The following SGCZ variants were observed in gnomAD, a reference collection of about 807,000 sequenced individuals.
SGCZ encodes the protein zeta-sarcoglycan.
A neutral mutation model predicts 41.3 loss-of-function variants in SGCZ; 40 were observed. The observed-to-expected ratio is 0.97, with a 90% CI of 0.75 to 1.26. The LOEUF is 1.26. SGCZ is among the 50% of genes most tolerant of loss of function. The pLI is 0.00. For missense variants in SGCZ, 552 were observed against 369.8 expected (o/e 1.49, Z -4.04); for synonymous variants, 206 against 137.5 (o/e 1.50, Z -3.49).
At chr8:14,614,899 T>C (rs760309336) in intron 1 of SGCZ, among the ~76,000 whole-genome samples, 2 of 152,174 alleles carry the variant, frequency 1.3e-5, no homozygotes, top group Non-Finnish European at 2.9e-5. Flanking sequence ...AAGCATGACA[T>C]GTTTTATCAC....
At position 14,087,987 on chromosome 8, in the gene SGCZ, A is replaced by G. The variant is rs554403135; in HGVS notation, c.*2456T>C. ...TCTCAAGCTTGTAAGTTACTTTTGA[A>G]TTATGTCTATACTTCTCAGAATGCA... On this transcript the variant is annotated 3_prime_UTR_variant, in exon 8 of 8. Coordinates refer to ENST00000382080, the MANE Select transcript of SGCZ (RefSeq NM_139167.4). Among the ~76,000 whole-genome samples the G allele has an allele frequency of 6.6e-6, 1 of 151,804 alleles. No individual in the cohort carries two copies. Among genetic ancestry groups the G allele is most frequent in the Non-Finnish European group, 1.5e-5 (1 of 67,828 alleles).
At chr8:14,982,530 A>G (rs748313176) in intron 1 of SGCZ, among the ~76,000 whole-genome samples, 1 of 152,152 alleles carries the variant, frequency 6.6e-6, no homozygotes, top group Non-Finnish European at 1.5e-5. Flanking sequence ...CTCCCACGTG[A>G]TATGCTATCT....
intron 5 of SGCZ, among the ~76,000 whole-genome samples, chr8:14,129,967 T>C (rs1194226710): frequency 6.6e-6 from 1 of 152,198 alleles, no homozygotes; most frequent in Non-Finnish European, 1.5e-5. Context: ...ACAGCCATTT[T>C]GTGCAGATAT....
intron 1 of SGCZ, among the ~76,000 whole-genome samples, chr8:14,612,946 A>T (rs1354781883): frequency 2.0e-5 from 3 of 152,220 alleles, no homozygotes; most frequent in Non-Finnish European, 4.4e-5. Flanking sequence ...TCGGCCTCCC[A>T]AAGTGCTGGG....
intron 2 of SGCZ, among the ~76,000 whole-genome samples, chr8:14,456,740 A>G (rs908396104): frequency 6.6e-6 from 1 of 152,194 alleles, no homozygotes; most frequent in African/African-American, 2.4e-5. Context: ...CCCAAATCTC[A>G]TGTTGAATTG....
chr8:14,241,247 T>C (rs566119616), intron 3 of SGCZ, among the ~76,000 whole-genome samples: 3 of 151,844 alleles, frequency 2.0e-5, no homozygotes, highest in Admixed American at 1.3e-4. Context: ...GATATTTAAA[T>C]AGACATAGTA....
chr8:14,530,813 T>A (rs980308742), intron 2 of SGCZ, among the ~76,000 whole-genome samples: 1 of 152,072 alleles, frequency 6.6e-6, no homozygotes, highest in Non-Finnish European at 1.5e-5. Flanking sequence ...TGACACCACA[T>A]CTCTTTTAAA....
chr8:15,077,551 G>T lies in SGCZ; in HGVS notation c.39+160034C>A, dbSNP rs913051648. Among the ~76,000 whole-genome samples the T allele has an allele frequency of 6.6e-5, 10 of 152,186 alleles. No individual in the cohort carries two copies. The East Asian group carries it at 1.4e-3, about 21-fold the overall frequency. On this transcript the variant is annotated intron_variant, in intron 1 of 7. Transcript: ENST00000382080. ...TTTTCTAACTGAAGGAGAAGAAGGG[G>T]TTTTTTTCCTTCCCATTTATCATTT...
chr8:14,679,975 G>A (rs1474110684), intron 1 of SGCZ, among the ~76,000 whole-genome samples: 2 of 152,076 alleles, frequency 1.3e-5, no homozygotes, highest in Non-Finnish European at 2.9e-5. Context: ...TGGTTTACAG[G>A]TTTGTAACTC....
At chr8:14,297,073 C>A (rs1801037134) in intron 3 of SGCZ, among the ~76,000 whole-genome samples, 2 of 152,042 alleles carry the variant, frequency 1.3e-5, no homozygotes, top group African/African-American at 4.8e-5. Context: ...AGACGCACAC[C>A]AGCATGCCCA....
chr8:14,984,319 G>C (rs1276310433), intron 1 of SGCZ, among the ~76,000 whole-genome samples: 1 of 152,058 alleles, frequency 6.6e-6, no homozygotes, highest in East Asian at 1.9e-4. Flanking sequence ...ATTATACATA[G>C]AACCATAAAA....
intron 1 of SGCZ, among the ~76,000 whole-genome samples, chr8:14,668,756 C>A (rs1187966858): frequency 6.6e-6 from 1 of 152,154 alleles, no homozygotes; most frequent in Non-Finnish European, 1.5e-5. Flanking sequence ...ATGCCAACAT[C>A]ATGCAGGATT....
intron 2 of SGCZ, among the ~76,000 whole-genome samples, chr8:14,411,059 A>G (rs958282224): frequency 2.6e-5 from 4 of 152,174 alleles, no homozygotes; most frequent in Non-Finnish European, 5.9e-5. Flanking sequence ...TAAAAAGCTA[A>G]AGAACATTTA....
intron 1 of SGCZ, among the ~76,000 whole-genome samples, chr8:14,798,484 T>C (rs1044608329): frequency 6.6e-5 from 10 of 152,108 alleles, no homozygotes; most frequent in Non-Finnish European, 1.5e-4. Flanking sequence ...GACAGAAAAA[T>C]AAACTATGTA....
intron 3 of SGCZ, among the ~76,000 whole-genome samples, chr8:14,317,294 G>A (rs1801751781): frequency 1.3e-5 from 2 of 151,894 alleles, no homozygotes; most frequent in Admixed American, 1.3e-4. Flanking sequence ...AAAATATTAG[G>A]TGCTACTATG....
chr8:14,638,753 C>T (rs1032726303), intron 1 of SGCZ, among the ~76,000 whole-genome samples: 4 of 151,762 alleles, frequency 2.6e-5, no homozygotes, highest in African/African-American at 9.7e-5. Flanking sequence ...TTATTGTGCT[C>T]CTAGAGATTG....
intron 1 of SGCZ, among the ~76,000 whole-genome samples, chr8:15,097,863 T>TATATATATATAC (rs1563124023): frequency 4.4e-5 from 1 of 22,794 alleles, no homozygotes; most frequent in African/African-American, 1.3e-4. Flanking sequence ...TATACGTGTG[T>TATATATATATAC]GTGTATATAT....
intron 1 of SGCZ, among the ~76,000 whole-genome samples, chr8:15,160,310 G>A (rs917921716): frequency 6.6e-6 from 1 of 152,134 alleles, no homozygotes; most frequent in Non-Finnish European, 1.5e-5. Flanking sequence ...ACCATATTGT[G>A]TCAGAATCAC....
intron 1 of SGCZ, among the ~76,000 whole-genome samples, chr8:15,085,772 T>A: frequency 6.6e-6 from 1 of 152,182 alleles, no homozygotes; most frequent in African/African-American, 2.4e-5. Context: ...TCCACCATTC[T>A]TCTGACAAGG....
Sources: gnomAD v4.1 joint callset for allele counts (sites outside exome capture counted in the v4.1 genomes callset) on GRCh38, gnomAD v4.1.1 for gene constraint, MANE v1.5 for transcripts, NCBI Gene and HGNC (gene_info 2026-07-23, HGNC 2026-07-21) for gene names.